Variants in BCOR observed in about 807,000 individuals in gnomAD.
BCOR encodes BCL-6 corepressor.
A neutral mutation model predicts 86.7 loss-of-function variants in BCOR; 10 were observed. The observed-to-expected ratio is 0.12, with a 90% CI of 0.07 to 0.20. BCOR has a LOEUF of 0.20. Among genes scored for constraint, BCOR ranks in the 10% least tolerant of loss-of-function variants. BCOR has a pLI of 1.00. For missense variants in BCOR, 1,259 were observed against 1,452.1 expected (o/e 0.87, Z 2.16); for synonymous variants, 611 against 609.0 (o/e 1.00, Z -0.05).
chrX:40,108,552 G>T (rs1447812575), intron 1 of BCOR, among the ~76,000 whole-genome samples: 1 of 113,449 alleles, frequency 8.8e-6, no homozygotes, highest in Non-Finnish European at 1.9e-5. Context: ...GGCGGGTCCC[G>T]CCATGGCCTC....
At chrX:40,129,305 G>A (rs377368163) in intron 1 of BCOR, among the ~76,000 whole-genome samples, 96 of 110,967 alleles carry the variant, frequency 8.7e-4, no homozygotes, top group African/African-American at 3.0e-3. Flanking sequence ...CCAAAATGGT[G>A]AAACCCCGTC....
At position 40,104,561 on chromosome X, in the gene BCOR, C is replaced by T. The variant is rs549905375; in HGVS notation, c.-40-26592G>A. Among the ~76,000 whole-genome samples the T allele has an allele frequency of 1.1e-4, 12 of 110,834 alleles. No individual in the cohort carries two copies. The South Asian group carries it at 4.7e-3, about 43-fold the overall frequency. ...AGAATGCAAACCTCAAGGCGGGCGCCCCAGACCAAGCTGACCTAGCCTCTG... is the reference window on the plus strand; with the variant it reads ...AGAATGCAAACCTCAAGGCGGGCGCTCCAGACCAAGCTGACCTAGCCTCTG... On this transcript the variant is annotated intron_variant, in intron 1 of 14. Coordinates refer to the BCOR transcript ENST00000342274.
chrX:40,085,962 T>G (rs769044333), intron 1 of BCOR, among the ~76,000 whole-genome samples: 1 of 112,018 alleles, frequency 8.9e-6, no homozygotes, highest in Non-Finnish European at 1.9e-5. Flanking sequence ...CCTGTTGCTG[T>G]GGGCATCTAG....
chrX:40,083,129 T>C (rs1936182620), intron 1 of BCOR, among the ~76,000 whole-genome samples: 1 of 108,224 alleles, frequency 9.2e-6, no homozygotes, highest in Admixed American at 9.7e-5. Context: ...GTGGGGTGTG[T>C]GGGAGTGGGA....
chrX:40,159,925 A>C (rs377231680), intron 1 of BCOR, among the ~76,000 whole-genome samples: 15 of 112,214 alleles, frequency 1.3e-4, no homozygotes, highest in African/African-American at 4.9e-4. Context: ...TCTTACAAGA[A>C]AGGAACTGCA....
rs889248198 is a variant in BCOR at position 40,078,023 on chromosome X, CAG to C, written c.-40-56_-40-55del. Reference sequence around the variant, plus strand: ...GGAGGTTCAGTAAAGGAGAGCCAAACAGGGCGCTAGAGAAGGCCTCTTTCTAG... The same window carrying C: ...GGAGGTTCAGTAAAGGAGAGCCAAACGGCGCTAGAGAAGGCCTCTTTCTAG... On this transcript the variant is annotated intron_variant, in intron 1 of 14. Coordinates refer to ENST00000378444, the MANE Select transcript of BCOR (RefSeq NM_001123385.2). The C allele has an allele frequency of 6.0e-5, 45 of 745,762 alleles. No homozygotes were observed. In the African/African-American group the frequency reaches 7.2e-4, roughly 12 times the overall value. 61.5% of individuals were successfully genotyped at this position (745,762 alleles called of 1,213,427 possible).
chrX:40,173,460 G>A (rs921263915), intron 1 of BCOR, among the ~76,000 whole-genome samples: 3 of 112,048 alleles, frequency 2.7e-5, no homozygotes, highest in Non-Finnish European at 5.6e-5. Flanking sequence ...GGAGTACAAA[G>A]TTCCGGGTTA....
At chrX:40,091,324 TGA>T (rs1264284156) in intron 1 of BCOR, among the ~76,000 whole-genome samples, 2 of 112,207 alleles carry the variant, frequency 1.8e-5, no homozygotes, top group Non-Finnish European at 3.8e-5. Context: ...TGGTGCATAA[TGA>T]GATTATACTG....
At chrX:40,096,299 C>T (rs764710919) in intron 1 of BCOR, among the ~76,000 whole-genome samples, 230 of 112,128 alleles carry the variant, frequency 2.1e-3, no homozygotes, top group African/African-American at 7.3e-3. Context: ...CCCGCCCTCC[C>T]TCCACGACGC....
chrX:40,102,690 G>A (rs1350644478), upstream of BCOR, among the ~76,000 whole-genome samples: 2 of 113,537 alleles, frequency 1.8e-5, 1 homozygote, highest in African/African-American at 6.4e-5. Context: ...CTCCCACCGG[G>A]TCCCTGCGAA....
intron 1 of BCOR, among the ~76,000 whole-genome samples, chrX:40,154,337 A>T (rs1346006599): frequency 9.3e-6 from 1 of 107,851 alleles, no homozygotes; most frequent in Non-Finnish European, 1.9e-5. Context: ...CGCGGAGTGT[A>T]CAGATGTGAG....
At position 40,172,092 on chromosome X, in the gene BCOR, T is replaced by C. The variant is rs1938636381; in HGVS notation, c.-41+4915A>G. Among the ~76,000 whole-genome samples the C allele has an allele frequency of 3.6e-5, 4 of 112,257 alleles. No individual in the cohort carries two copies. The Admixed American group carries it at 3.7e-4, about 10-fold the overall frequency. On this transcript the variant is annotated intron_variant, in intron 1 of 14. Transcript: ENST00000342274. ...TCCATGGGGTTTCGCGAGCTGAAAG[T>C]AAAGGCTTGAGGGAGTGGGGACACC...
chrX:40,099,346 G>A (rs964883322), upstream of BCOR, among the ~76,000 whole-genome samples: 8 of 111,468 alleles, frequency 7.2e-5, no homozygotes, highest in Non-Finnish European at 1.3e-4. Context: ...AGGAGTGGGG[G>A]AGGGGGTATT....
chrX:40,062,635 G>C (rs1365149181), intron 9 of BCOR, 111 bp downstream of exon 9: 2 of 807,297 alleles, frequency 2.5e-6, no homozygotes, highest in Non-Finnish European at 3.6e-6. Context: ...GTGACGTGTG[G>C]TGTGGGGGAG....
At position 40,073,456 on chromosome X, in the gene BCOR, C is replaced by T; in HGVS notation, c.1890G>A (p.Glu630=). The change falls in exon 4 of 15, where the codon GAG becomes GAA. Residue 630 remains glutamate, a synonymous_variant. Transcript: ENST00000378444. Reference sequence around the variant, plus strand: ...ATATAGAGCTTGGTGGAAGGCCGTTCTCGTTTGCTTTGAAACTCGGTTCTG... The same window carrying T: ...ATATAGAGCTTGGTGGAAGGCCGTTTTCGTTTGCTTTGAAACTCGGTTCTG... ...SNPEPSFKAN[E]NGLPPSSIFL... 1 of 1,212,399 alleles carries T rather than the reference C, an allele frequency of 8.2e-7. No homozygotes were observed. The highest frequency in any genetic ancestry group is 1.1e-6 in the Non-Finnish European group (1 of 895,687).
chrX:40,099,903 C>T (rs1318324154), upstream of BCOR, among the ~76,000 whole-genome samples: 1 of 111,993 alleles, frequency 8.9e-6, no homozygotes, highest in Non-Finnish European at 1.9e-5. Flanking sequence ...CAGGCTGGGC[C>T]GCGAACGCTT....
At position 40,063,772 on chromosome X, in the gene BCOR, T is replaced by C; in HGVS notation, c.3683A>G (p.Lys1228Arg). 1 of 1,211,963 alleles carries C rather than the reference T, an allele frequency of 8.3e-7. No individual in the cohort carries two copies. Among genetic ancestry groups the C allele is most frequent in the Non-Finnish European group, 1.1e-6 (1 of 895,563 alleles). ...WEQQVSAADGKPGRQSRKEVT... is the reference protein window; with the variant it reads ...WEQQVSAADGRPGRQSRKEVT... The stretch of plus-strand genomic sequence containing the variant: ...TTCCTTCCTGCTTTGCCGGCCAGGT[T>C]TGCCATCTGCTGCCGACACCTGCTG... The change falls in exon 8 of 15, where the codon AAA becomes AGA. Residue 1228 changes from lysine to arginine, a missense_variant. Coordinates refer to ENST00000378444, the MANE Select transcript of BCOR (RefSeq NM_001123385.2).
intron 1 of BCOR, among the ~76,000 whole-genome samples, chrX:40,157,944 C>A: frequency 8.9e-6 from 1 of 112,761 alleles, no homozygotes; most frequent in Non-Finnish European, 1.9e-5. Context: ...TTTTCCAAGA[C>A]ATTCCTGATT....
intron 1 of BCOR, among the ~76,000 whole-genome samples, chrX:40,111,394 A>G (rs1937310088): frequency 8.9e-6 from 1 of 112,073 alleles, no homozygotes; most frequent in Admixed American, 9.5e-5. Flanking sequence ...TCCATGTGGA[A>G]TTTCTGCAGG....
Sources: gnomAD v4.1 joint callset for allele counts (sites outside exome capture counted in the v4.1 genomes callset) on GRCh38, gnomAD v4.1.1 for gene constraint, MANE v1.5 for transcripts, NCBI Gene and HGNC (gene_info 2026-07-23, HGNC 2026-07-21) for gene names.